The following LMNTD1 variants were observed in gnomAD, a reference collection of about 807,000 sequenced individuals.
LMNTD1 encodes the protein lamin tail domain containing 1.
A neutral mutation model predicts 50.9 loss-of-function variants in LMNTD1; 35 were observed. The observed-to-expected ratio is 0.69, with a 90% CI of 0.53 to 0.91. The LOEUF (loss-of-function observed/expected upper bound fraction) is 0.91. Ranked by LOEUF, LMNTD1 falls within the 40% of genes least tolerant of loss-of-function variation. LMNTD1 has a pLI of 0.00. For missense variants in LMNTD1, 470 were observed against 475.5 expected (o/e 0.99, Z 0.11); for synonymous variants, 153 against 161.9 (o/e 0.94, Z 0.42).
Position 25,595,415 on chromosome 12 carries a change from C to G in LMNTD1, c.59-48861G>C, listed in dbSNP as rs117688921. Among the ~76,000 whole-genome samples, 1,290 of 152,186 alleles carry G rather than the reference C, an allele frequency of 8.5e-3. 23 individuals carry two copies. The highest frequency in any genetic ancestry group is 0.063 in the East Asian group (328 of 5,188). ...ACAGTGGAATACAACTGGAAATCAA[C>G]TCCAAATGGAACCTTCAAAACCATG... On this transcript the variant is annotated intron_variant, in intron 1 of 7. Transcript: ENST00000445693.
chr12:25,563,306 C>T (rs571470247), intron 1 of LMNTD1, among the ~76,000 whole-genome samples: 5 of 152,292 alleles, frequency 3.3e-5, no homozygotes, highest in Admixed American at 6.5e-5. Flanking sequence ...ATGATGGTGA[C>T]GTACAGACAG....
chr12:25,624,597 G>A (rs1946545913), intron 1 of LMNTD1, among the ~76,000 whole-genome samples: 1 of 152,216 alleles, frequency 6.6e-6, no homozygotes, highest in Non-Finnish European at 1.5e-5. Flanking sequence ...AGGAGTCATT[G>A]CCTATCATTT....
At chr12:25,623,347 C>T (rs548700551) in intron 1 of LMNTD1, among the ~76,000 whole-genome samples, 21 of 151,376 alleles carry the variant, frequency 1.4e-4, no homozygotes, top group African/African-American at 4.9e-4. Context: ...GTCAGGAGTT[C>T]GAGACCAGCC....
Position 25,600,401 on chromosome 12 carries a change from G to C in LMNTD1, c.58+48093C>G, listed in dbSNP as rs181833116. Among the ~76,000 whole-genome samples, 147 of 152,096 alleles carry C rather than the reference G, an allele frequency of 9.7e-4. 2 individuals are homozygous for C. The highest frequency in any genetic ancestry group is 8.0e-3 in the Admixed American group (122 of 15,242). ...ACATTGGTCTGGGCAAAAATTTCTT[G>C]AGTAATATCCCAGAAGCACAGCCAA... On this transcript the variant is annotated intron_variant, in intron 1 of 7. Coordinates refer to the LMNTD1 transcript ENST00000445693.
intron 9 of LMNTD1, among the ~76,000 whole-genome samples, chr12:25,479,610 A>G (rs1938378779): frequency 6.6e-6 from 1 of 152,214 alleles, no homozygotes; most frequent in Non-Finnish European, 1.5e-5. Flanking sequence ...TTTAGCCGTA[A>G]AGTGAGTGCC....
chr12:25,618,546 A>C (rs1434465296), intron 1 of LMNTD1, among the ~76,000 whole-genome samples: 1 of 152,162 alleles, frequency 6.6e-6, no homozygotes, highest in Admixed American at 6.5e-5. Flanking sequence ...CAAAGACCTT[A>C]GTGGGAGTGA....
rs1938695105 is a variant in LMNTD1, at chr12:25,487,517, C to T, written c.*23-11057G>A. ...TCTTCCTCCATCCTTTTATTTTGAG[C>T]ATATGTGTGTCTCTGCACGTGAGAT... On this transcript the variant is annotated intron_variant, in intron 9 of 9. Transcript: ENST00000458174. Among the ~76,000 whole-genome samples the T allele has an allele frequency of 2.1e-5, 3 of 143,352 alleles. No individual in the cohort carries two copies. The South Asian group carries it at 7.2e-4, about 34-fold the overall frequency. 94.0% of individuals were successfully genotyped at this position (143,352 alleles called of 152,430 possible). A position where few individuals can be genotyped will look rare whatever the true frequency, so the allele number is the denominator to read the frequency against.
At chr12:25,537,227 A>G (rs575619624) in intron 4 of LMNTD1, among the ~76,000 whole-genome samples, 30 of 152,342 alleles carry the variant, frequency 2.0e-4, no homozygotes, top group African/African-American at 7.2e-4. Flanking sequence ...AGCCTACCAC[A>G]GCTCAAGGAG....
At chr12:25,594,625 C>CGG (rs1945793736) in intron 1 of LMNTD1, among the ~76,000 whole-genome samples, 1 of 117,282 alleles carries the variant, frequency 8.5e-6, no homozygotes, top group African/African-American at 3.2e-5. Flanking sequence ...AAGCATAAAT[C>CGG]TCACAGGACC....
chr12:25,492,405 C>T (rs1420681887), intron 9 of LMNTD1, among the ~76,000 whole-genome samples: 2 of 152,108 alleles, frequency 1.3e-5, no homozygotes, highest in Admixed American at 6.5e-5. Flanking sequence ...TCATGAGTTG[C>T]ATTGTATAGA....
chr12:25,596,761 C>A (rs1331789088), intron 1 of LMNTD1, among the ~76,000 whole-genome samples: 1 of 151,944 alleles, frequency 6.6e-6, no homozygotes, highest in Non-Finnish European at 1.5e-5. Context: ...TACAGAAAAA[C>A]ACAGAACATT....
At chr12:25,562,279 G>C (rs1178198717) in intron 1 of LMNTD1, among the ~76,000 whole-genome samples, 1 of 152,166 alleles carries the variant, frequency 6.6e-6, no homozygotes, top group Non-Finnish European at 1.5e-5. Context: ...TGTAACGATT[G>C]TTCCTTTCCA....
At chr12:25,544,133 G>A (rs187664374) in intron 4 of LMNTD1, among the ~76,000 whole-genome samples, 73 of 151,888 alleles carry the variant, frequency 4.8e-4, no homozygotes, top group African/African-American at 1.7e-3. Context: ...CGTGATTTTT[G>A]TGTCTGGTTC....
At chr12:25,605,291 G>A (rs968746803) in intron 1 of LMNTD1, among the ~76,000 whole-genome samples, 3 of 152,076 alleles carry the variant, frequency 2.0e-5, no homozygotes, top group Admixed American at 6.6e-5. Context: ...CCATGTTGTA[G>A]GTTGCCTGTT....
At chr12:25,492,095 T>C (rs1252011339) in intron 9 of LMNTD1, among the ~76,000 whole-genome samples, 2 of 152,202 alleles carry the variant, frequency 1.3e-5, no homozygotes, top group South Asian at 4.1e-4. Context: ...TGAACAGTAA[T>C]GTGAACTAAA....
At chr12:25,543,143 C>T (rs1943210569) in intron 4 of LMNTD1, among the ~76,000 whole-genome samples, 1 of 151,868 alleles carries the variant, frequency 6.6e-6, no homozygotes, top group Admixed American at 6.6e-5. Flanking sequence ...AACTTTACCA[C>T]CAAGAAATTC....
At chr12:25,610,282 C>T (rs1946212017) in intron 1 of LMNTD1, among the ~76,000 whole-genome samples, 1 of 152,122 alleles carries the variant, frequency 6.6e-6, no homozygotes, top group Non-Finnish European at 1.5e-5. Context: ...TTTCCAGGCC[C>T]CTTGTGCTTC....
chr12:25,537,259 C>T (rs1942671961), intron 4 of LMNTD1, among the ~76,000 whole-genome samples: 1 of 152,232 alleles, frequency 6.6e-6, no homozygotes. Flanking sequence ...TCTGTAGGCT[C>T]CACCTCTGGG....
At chr12:25,619,278 A>G (rs1199441639) in intron 1 of LMNTD1, among the ~76,000 whole-genome samples, 3 of 57,094 alleles carry the variant, frequency 5.3e-5, no homozygotes, top group Non-Finnish European at 9.4e-5. Flanking sequence ...ATATATATAT[A>G]TGTATAGCTA....
Sources: allele counts gnomAD v4.1 joint callset (sites outside exome capture counted in the v4.1 genomes callset), GRCh38; gene constraint gnomAD v4.1.1; transcripts MANE v1.5; gene names NCBI Gene and HGNC (gene_info 2026-07-23, HGNC 2026-07-21).